The following SLC4A4 variants were observed in gnomAD, a reference collection of about 807,000 sequenced individuals.
SLC4A4 encodes the protein electrogenic sodium bicarbonate cotransporter 1.
Under a neutral mutation model 111.5 loss-of-function variants are expected in SLC4A4, and 27 were observed. The ratio of observed to expected loss-of-function variants is 0.24; its 90% CI spans 0.18 to 0.33. SLC4A4 has a LOEUF of 0.33. Among genes scored for constraint, SLC4A4 ranks in the 10% least tolerant of loss-of-function variants. The pLI is 1.00. For missense variants in SLC4A4, 909 were observed against 1,315.5 expected (o/e 0.69, Z 4.78); for synonymous variants, 443 against 463.4 (o/e 0.96, Z 0.57).
chr4:71,320,063 T>TG (rs1341305277), intron 3 of SLC4A4, among the ~76,000 whole-genome samples: 3 of 152,022 alleles, frequency 2.0e-5, no homozygotes, highest in Non-Finnish European at 4.4e-5. Flanking sequence ...ATTGATTACT[T>TG]GGGGGAAGGA....
intron 16 of SLC4A4, among the ~76,000 whole-genome samples, chr4:71,525,911 T>A (rs1421511344): frequency 6.6e-6 from 1 of 151,978 alleles, no homozygotes; most frequent in Non-Finnish European, 1.5e-5. Flanking sequence ...CACATACTCT[T>A]CTTTTCTAAA....
At chr4:71,069,344 T>C (rs530523425) in intron 1 of SLC4A4, among the ~76,000 whole-genome samples, 1 of 152,258 alleles carries the variant, frequency 6.6e-6, no homozygotes, top group African/African-American at 2.4e-5. Context: ...CTCAATCTTG[T>C]ATCCCTGAGG....
At chr4:71,411,694 G>GTGTT (rs1277140793) in intron 7 of SLC4A4, among the ~76,000 whole-genome samples, 15 of 152,192 alleles carry the variant, frequency 9.9e-5, no homozygotes, top group African/African-American at 3.1e-4. Context: ...AAAGTATTTA[G>GTGTT]TGTTTGGTCT....
intron 16 of SLC4A4, among the ~76,000 whole-genome samples, chr4:71,525,447 G>A (rs1303906781): frequency 6.6e-6 from 1 of 152,120 alleles, no homozygotes; most frequent in Non-Finnish European, 1.5e-5. Context: ...ATAAATTGAG[G>A]TAGAAATTAT....
chr4:71,470,409 C>T (rs1449654648), intron 13 of SLC4A4, among the ~76,000 whole-genome samples: 1 of 152,022 alleles, frequency 6.6e-6, no homozygotes, highest in Non-Finnish European at 1.5e-5. Flanking sequence ...AAGACATTGA[C>T]TTTAATATTC....
intron 2 of SLC4A4, among the ~76,000 whole-genome samples, chr4:71,176,751 C>A (rs1745106400): frequency 6.6e-6 from 1 of 152,242 alleles, no homozygotes; most frequent in African/African-American, 2.4e-5. Flanking sequence ...TTGGAAAACA[C>A]TCTGCAGGGT....
intron 13 of SLC4A4, 57 bp from the exon 14 acceptor site, chr4:71,472,642 A>G (rs188275360): frequency 1.9e-6 from 3 of 1,549,686 alleles, no homozygotes; most frequent in East Asian, 2.3e-5. Flanking sequence ...GTAGTTTTAT[A>G]TTATTCTTTG....
chr4:71,204,892 G>A (rs939148542), intron 1 of SLC4A4, among the ~76,000 whole-genome samples: 5 of 152,180 alleles, frequency 3.3e-5, no homozygotes, highest in African/African-American at 1.2e-4. Context: ...AAGACAATGA[G>A]AGAGGCTAAT....
chr4:71,481,260 G>A (rs1029998465), intron 14 of SLC4A4, among the ~76,000 whole-genome samples: 1 of 151,834 alleles, frequency 6.6e-6, no homozygotes, highest in South Asian at 2.1e-4. Context: ...ATACATAAAA[G>A]CAGACAGATA....
At chr4:71,408,480 G>T (rs1283521676) in intron 7 of SLC4A4, among the ~76,000 whole-genome samples, 2 of 152,134 alleles carry the variant, frequency 1.3e-5, no homozygotes, top group African/African-American at 4.8e-5. Flanking sequence ...GATTTGGTGG[G>T]ATGAAAGTCC....
At position 71,503,326 on chromosome 4, in the gene SLC4A4, G is replaced by C. The variant is rs562731733; in HGVS notation, c.2166+5634G>C. On this transcript the variant is annotated intron_variant, in intron 16 of 25. Transcript: ENST00000264485. ...TTTACATTCAAGGATTTTATTGATA[G>C]GTAAGGACTTACTCCTATCATTTTG... Among the ~76,000 whole-genome samples the C allele has an allele frequency of 1.3e-4, 19 of 150,932 alleles. No individual in the cohort carries two copies. In the South Asian group the frequency reaches 4.0e-3, roughly 32 times the overall value.
At chr4:71,122,740 C>T (rs1028938097) in intron 2 of SLC4A4, among the ~76,000 whole-genome samples, 5 of 152,142 alleles carry the variant, frequency 3.3e-5, no homozygotes, top group Admixed American at 3.3e-4. Flanking sequence ...GAGTTTCTCC[C>T]AGACCATCCC....
chr4:71,543,406 AC>A (rs1169945416), intron 18 of SLC4A4, among the ~76,000 whole-genome samples: 4 of 152,090 alleles, frequency 2.6e-5, no homozygotes, highest in African/African-American at 9.7e-5. Flanking sequence ...GAGATGGAAG[AC>A]TTTTTGAAAG....
At chr4:71,551,702 C>T (rs1465015353) in intron 20 of SLC4A4, among the ~76,000 whole-genome samples, 7 of 151,894 alleles carry the variant, frequency 4.6e-5, no homozygotes, top group African/African-American at 7.2e-5. Context: ...AACTCATTCA[C>T]TTTCATTTTC....
intron 2 of SLC4A4, among the ~76,000 whole-genome samples, chr4:71,177,287 C>T (rs1745125874): frequency 2.0e-5 from 3 of 152,120 alleles, no homozygotes; most frequent in Admixed American, 1.3e-4. Context: ...GCAAAATAAC[C>T]AGCTAACATC....
chr4:71,271,910 G>T, intron 3 of SLC4A4, among the ~76,000 whole-genome samples: 1 of 151,966 alleles, frequency 6.6e-6, no homozygotes, highest in Non-Finnish European at 1.5e-5. Flanking sequence ...TCTTTTAAAG[G>T]TATCATTGTG....
At chr4:71,094,946 A>G (rs1578474004) in intron 2 of SLC4A4, among the ~76,000 whole-genome samples, 1 of 152,314 alleles carries the variant, frequency 6.6e-6, no homozygotes, top group East Asian at 1.9e-4. Flanking sequence ...TTAATTAATT[A>G]GGTGTACTTT....
intron 2 of SLC4A4, among the ~76,000 whole-genome samples, chr4:71,169,104 C>T (rs1291102317): frequency 7.9e-5 from 12 of 151,780 alleles, no homozygotes; most frequent in Non-Finnish European, 1.6e-4. Context: ...CTGCAACCTC[C>T]GCCTCCCAGA....
chr4:71,554,686 AT>A (rs1348808074), intron 20 of SLC4A4, among the ~76,000 whole-genome samples: 3 of 151,726 alleles, frequency 2.0e-5, no homozygotes, highest in African/African-American at 4.8e-5. Context: ...CTGATAGACT[AT>A]TTGGCAAAAA....
Sources: gnomAD v4.1 joint callset for allele counts (sites outside exome capture counted in the v4.1 genomes callset) on GRCh38, gnomAD v4.1.1 for gene constraint, MANE v1.5 for transcripts, NCBI Gene and HGNC (gene_info 2026-07-23, HGNC 2026-07-21) for gene names.